RGS7: variants seen among roughly 807,000 people sequenced by gnomAD.
RGS7 encodes regulator of G protein signaling 7.
A neutral mutation model predicts 81.1 loss-of-function variants in RGS7; 27 were observed. The observed-to-expected ratio is 0.33, with a 90% CI of 0.25 to 0.46. The LOEUF (loss-of-function observed/expected upper bound fraction) is 0.46, where lower values mean the gene tolerates loss of function less well. Ranked by LOEUF, RGS7 falls within the 20% of genes least tolerant of loss-of-function variation. The pLI is 1.00. For missense variants in RGS7, 396 were observed against 607.4 expected, an observed-to-expected ratio of 0.65 and a Z score of 3.66; for synonymous variants, 208 against 207.7, an observed-to-expected ratio of 1.00 and a Z score of -0.01.
intron 3 of RGS7, among the ~76,000 whole-genome samples, chr1:241,072,171 A>AT (rs139665315): frequency 0.01 from 1,536 of 152,204 alleles, 23 homozygotes; most frequent in African/African-American, 0.035. Context: ...TAAAAGCTAC[A>AT]TTTTTCATTA....
chr1:241,311,818 C>T (rs2080552764), intron 2 of RGS7, among the ~76,000 whole-genome samples: 1 of 152,138 alleles, frequency 6.6e-6, no homozygotes. Context: ...TGATATGTGT[C>T]CCCAAATTGG....
At chr1:240,817,507 C>T (rs2103124686) in intron 10 of RGS7, among the ~76,000 whole-genome samples, 1 of 152,290 alleles carries the variant, frequency 6.6e-6, no homozygotes, top group Admixed American at 6.5e-5. Context: ...GACCTTAAAT[C>T]CACTTAACAC....
chr1:241,209,643 C>T (rs1464996323), intron 2 of RGS7, among the ~76,000 whole-genome samples: 1 of 152,010 alleles, frequency 6.6e-6, no homozygotes, highest in Non-Finnish European at 1.5e-5. Context: ...TGAGACCAGC[C>T]TGGGCAACAT....
chr1:241,095,636 A>C (rs2064191344), intron 3 of RGS7, among the ~76,000 whole-genome samples: 1 of 152,226 alleles, frequency 6.6e-6, no homozygotes, highest in Non-Finnish European at 1.5e-5. Flanking sequence ...TGACAGAGCA[A>C]GACTGTATCA....
intron 1 of RGS7, 43 bp from the exon 2 acceptor site, chr1:241,355,869 T>C: frequency 9.9e-7 from 1 of 1,007,188 alleles, no homozygotes; most frequent in Non-Finnish European, 1.6e-6. Context: ...CCAGTGGGAC[T>C]CCCCTGATTC....
chr1:241,222,284 G>A (rs1267383170), intron 2 of RGS7, among the ~76,000 whole-genome samples: 4 of 152,158 alleles, frequency 2.6e-5, no homozygotes, highest in Non-Finnish European at 4.4e-5. Flanking sequence ...AAACTCAGCT[G>A]TGCATAAAAA....
intron 14 of RGS7, among the ~76,000 whole-genome samples, chr1:240,807,576 G>T (rs1449293149): frequency 6.6e-6 from 1 of 152,178 alleles, no homozygotes; most frequent in African/African-American, 2.4e-5. Context: ...AGTGATTTTT[G>T]AGTTTTCATT....
At chr1:241,135,460 G>C (rs1193161890) in intron 2 of RGS7, among the ~76,000 whole-genome samples, 1 of 152,218 alleles carries the variant, frequency 6.6e-6, no homozygotes, top group African/African-American at 2.4e-5. Flanking sequence ...AAAGCAGCAT[G>C]TTGCTCCACA....
intron 3 of RGS7, among the ~76,000 whole-genome samples, chr1:241,016,034 C>G (rs1386343443): frequency 6.6e-6 from 1 of 152,130 alleles, no homozygotes; most frequent in Non-Finnish European, 1.5e-5. Flanking sequence ...TTGTTTAATT[C>G]AGAGGTTACT....
intron 14 of RGS7, among the ~76,000 whole-genome samples, chr1:240,810,084 T>A (rs1689577038): frequency 6.6e-6 from 1 of 152,170 alleles, no homozygotes; most frequent in African/African-American, 2.4e-5. Flanking sequence ...TTTTGATGGT[T>A]TATCTCCTCC....
chr1:241,057,239 C>A (rs1468716462), intron 3 of RGS7, among the ~76,000 whole-genome samples: 2 of 152,238 alleles, frequency 1.3e-5, no homozygotes, highest in East Asian at 3.9e-4. Flanking sequence ...GAACACCAGA[C>A]TAGAAGTCAG....
At chr1:241,219,846 A>G (rs1301674099) in intron 2 of RGS7, among the ~76,000 whole-genome samples, 2 of 151,864 alleles carry the variant, frequency 1.3e-5, no homozygotes, top group Non-Finnish European at 2.9e-5. Flanking sequence ...TATGTCAAAA[A>G]TTTTTCATTC....
At chr1:240,805,622 G>A (rs1358639833) in intron 15 of RGS7, among the ~76,000 whole-genome samples, 1 of 151,934 alleles carries the variant, frequency 6.6e-6, no homozygotes, top group Non-Finnish European at 1.5e-5. Context: ...TTTAAGAAAT[G>A]TCAGAATCTA....
At chr1:241,203,264 C>T (rs565705388) in intron 2 of RGS7, among the ~76,000 whole-genome samples, 3 of 152,080 alleles carry the variant, frequency 2.0e-5, no homozygotes, top group Non-Finnish European at 2.9e-5. Flanking sequence ...GATGGAGTCT[C>T]GCTCTGTCAC....
intron 2 of RGS7, among the ~76,000 whole-genome samples, chr1:241,211,882 T>C (rs2074261112): frequency 6.6e-6 from 1 of 152,198 alleles, no homozygotes; most frequent in African/African-American, 2.4e-5. Flanking sequence ...AAAAATCCAA[T>C]ATAATTGCGT....
chr1:240,843,986 G>A (rs960354838), intron 9 of RGS7, among the ~76,000 whole-genome samples: 2 of 152,168 alleles, frequency 1.3e-5, no homozygotes, highest in Admixed American at 6.5e-5. Context: ...CTGAGCCCAT[G>A]TTGTTAGCTC....
chr1:240,859,157 A>G (rs1661688093), intron 9 of RGS7, among the ~76,000 whole-genome samples: 1 of 151,984 alleles, frequency 6.6e-6, no homozygotes, highest in Non-Finnish European at 1.5e-5. Context: ...CAATTTCTTC[A>G]TTTAATTTAC....
chr1:241,310,719 T>C (rs998352300), intron 2 of RGS7, among the ~76,000 whole-genome samples: 8 of 152,192 alleles, frequency 5.3e-5, no homozygotes, highest in African/African-American at 1.9e-4. Context: ...CCTTAAATGC[T>C]TCTCTTACCC....
chr1:240,794,742 G>A (rs982142032), intron 18 of RGS7, among the ~76,000 whole-genome samples: 5 of 152,184 alleles, frequency 3.3e-5, no homozygotes, highest in African/African-American at 1.2e-4. Context: ...CCATAGCTGG[G>A]CTGGGGCTGT....
Sources: allele counts gnomAD v4.1 joint callset (sites outside exome capture counted in the v4.1 genomes callset), GRCh38; gene constraint gnomAD v4.1.1; transcripts MANE v1.5; gene names NCBI Gene and HGNC (gene_info 2026-07-23, HGNC 2026-07-21).